The following BCL11B variants were observed in gnomAD, a reference collection of about 807,000 sequenced individuals.
BCL11B encodes BCL11 transcription factor B.
Under a neutral mutation model 49.9 loss-of-function variants are expected in BCL11B, and 8 were observed. That is an observed-to-expected ratio of 0.16 (90% CI 0.09 to 0.29). The LOEUF is 0.29. Among genes scored for constraint, BCL11B ranks in the 10% least tolerant of loss-of-function variants. The probability of loss-of-function intolerance (pLI) is 1.00; values close to 1 mark genes in which losing one functional copy is unlikely to be tolerated. For synonymous variants in BCL11B, 739 were observed against 637.4 expected (o/e 1.16, Z -2.40); for missense variants, 1,006 against 1,351.0 (o/e 0.74, Z 4.00).
At position 99,170,746 on chromosome 14, in the gene BCL11B, A is replaced by C. The variant is rs1219695692; in HGVS notation, c.*3405T>G. ...AAGCAGGGAAGAAAGACAAGAGGCC[A>C]ACACTCTCCATGGCACGAAAGGTCC... On this transcript the variant is annotated 3_prime_UTR_variant, in exon 4 of 4. Transcript: ENST00000357195. 1.7e-5 allele frequency: 4 copies of C among 233,380 alleles called. 1 individual carries two copies. In the East Asian group the frequency reaches 2.4e-4, roughly 14 times the overall value. The allele number at this position is 233,380 out of a possible 1,614,324, so 14.5% of individuals were successfully genotyped here.
chr14:99,181,897 T>C (rs1886715552), intron 3 of BCL11B, among the ~76,000 whole-genome samples: 1 of 152,252 alleles, frequency 6.6e-6, no homozygotes, highest in African/African-American at 2.4e-5. Flanking sequence ...AGAATCCGTC[T>C]GCTAAAGATG....
intron 2 of BCL11B, among the ~76,000 whole-genome samples, chr14:99,240,895 C>A (rs748742401): frequency 6.6e-6 from 1 of 152,190 alleles, no homozygotes; most frequent in Non-Finnish European, 1.5e-5. Flanking sequence ...AGGTTTATAC[C>A]GCTATTTAAT....
Position 99,242,555 on chromosome 14 carries a change from G to A in BCL11B, c.428-10998C>T, listed in dbSNP as rs1888702611. 6.6e-6 allele frequency among the ~76,000 whole-genome samples: 1 copy of A among 152,172 alleles called. No homozygotes were observed. Reference sequence around the variant, plus strand: ...CCAGCCCCAGTGCCAGTGAACAGGGGCTGGGTCAAGGCCCCCATGGGGAAA... The same window carrying A: ...CCAGCCCCAGTGCCAGTGAACAGGGACTGGGTCAAGGCCCCCATGGGGAAA... On this transcript the variant is annotated intron_variant, in intron 2 of 3. Coordinates refer to ENST00000357195, the MANE Select transcript of BCL11B (RefSeq NM_138576.4). This position sits in a 1 kb window ranked among gnomAD's most constrained non-coding sequence, Gnocchi z 4.4.
rs958886247 is a variant in BCL11B, at chr14:99,184,123, A to C, written c.641-7928T>G. Among the ~76,000 whole-genome samples the C allele has an allele frequency of 2.6e-5, 4 of 151,792 alleles. No individual in the cohort carries two copies. The highest frequency in any genetic ancestry group is 9.7e-5 in the African/African-American group (4 of 41,316). ...ACCCCAGCCTTTGGGATCCGGTCCC[A>C]CTTGCTGCCTGCCTTTTGCACACAC... On this transcript the variant is annotated intron_variant, in intron 3 of 3. Transcript: ENST00000357195. This position sits in a 1 kb window ranked among gnomAD's most constrained non-coding sequence, Gnocchi z 6.1.
chr14:99,219,324 G>A (rs1003576483), intron 3 of BCL11B, among the ~76,000 whole-genome samples: 4 of 152,112 alleles, frequency 2.6e-5, no homozygotes, highest in African/African-American at 9.7e-5. Context: ...GTGAGCCACC[G>A]CACCCGACCA....
Position 99,241,412 on chromosome 14 carries a change from G to A in BCL11B, c.428-9855C>T, listed in dbSNP as rs1270909236. Among the ~76,000 whole-genome samples the A allele has an allele frequency of 1.3e-5, 2 of 151,710 alleles. No individual in the cohort carries two copies. Among genetic ancestry groups the A allele is most frequent in the Non-Finnish European group, 2.9e-5 (2 of 67,984 alleles). On this transcript the variant is annotated intron_variant, in intron 2 of 3. Transcript: ENST00000357195. This position sits in a 1 kb window ranked among gnomAD's most constrained non-coding sequence, Gnocchi z 4.4. ...GAATCTAGCTGTAATCTCAGAGGAA[G>A]AAAGCAGCAAGCATCGCTCAGGAGG...
chr14:99,174,896 G>A lies in BCL11B; in HGVS notation c.1940C>T (p.Ala647Val), dbSNP rs944528801. The A allele has an allele frequency of 9.3e-7, 1 of 1,080,420 alleles. No individual in the cohort carries two copies. Among genetic ancestry groups the A allele is most frequent in the Non-Finnish European group, 1.1e-6 (1 of 890,972 alleles). The allele number at this position is 1,080,420 out of a possible 1,614,324, so 66.9% of individuals were successfully genotyped here. A position where few individuals can be genotyped will look rare whatever the true frequency, so the allele number is the denominator to read the frequency against. Residue 647 changes from alanine to valine, a missense_variant, in exon 4 of 4, where the codon GCG (alanine) becomes GTG (valine). Physicochemically the swap from Ala to Val is moderately conservative, Grantham distance 64 (BLOSUM62 0). Around this residue, in one of 6 missense-constraint regions of BCL11B, gnomAD observed 443 missense variants for 499.7 expected, o/e 0.89. Transcript: ENST00000357195. ...CCCGCGCCCGTTGACCGCGCCGCCC[G>A]CGCCCGCGTCCCCGCAGCCGCCCGC... Reference protein sequence around the residue: ...DDAGGCGDAGAGGAVNGRGGG... With the variant: ...DDAGGCGDAGVGGAVNGRGGG...
Position 99,173,504 on chromosome 14 carries a change from A to G in BCL11B, c.*647T>C, listed in dbSNP as rs1026804786. On this transcript the variant is annotated 3_prime_UTR_variant, in exon 4 of 4. Transcript: ENST00000357195. ...TCTGAAACAAAGTGCTACGACTTGA[A>G]AGATTGTTATCCGCTGTACATCCAC... The G allele has an allele frequency of 4.6e-6, 1 of 215,948 alleles. No homozygotes were observed. The highest frequency in any genetic ancestry group is 2.3e-5 in the African/African-American group (1 of 44,242). The allele number at this position is 215,948 out of a possible 1,614,324, so 13.4% of individuals were successfully genotyped here.
At chr14:99,185,516 C>A (rs1886828462) in intron 3 of BCL11B, among the ~76,000 whole-genome samples, 1 of 151,656 alleles carries the variant, frequency 6.6e-6, no homozygotes, top group African/African-American at 2.4e-5. Flanking sequence ...GTGCCCAGGC[C>A]AAGGAGGGAA....
intron 1 of BCL11B, among the ~76,000 whole-genome samples, chr14:99,269,522 C>G (rs930339924): frequency 1.5e-5 from 2 of 132,656 alleles, no homozygotes; most frequent in African/African-American, 2.5e-5. Context: ...TATTCCCCCC[C>G]CCCCAAAAAA....
rs1888073249 is a variant in BCL11B, at chr14:99,223,566, G to A, written c.640+7779C>T. On this transcript the variant is annotated intron_variant, in intron 3 of 3. Transcript: ENST00000357195. ...TGTTTAATACGGCGCTGCTCCATGA[G>A]GATGAGCATATGTATGCCCCATTTC... Among the ~76,000 whole-genome samples, 4 of 152,190 alleles carry A rather than the reference G, an allele frequency of 2.6e-5. No individual in the cohort carries two copies. In the South Asian group the frequency reaches 6.2e-4, roughly 24 times the overall value.
intron 2 of BCL11B, among the ~76,000 whole-genome samples, chr14:99,255,950 A>G (rs1889152008): frequency 1.3e-5 from 2 of 152,340 alleles, no homozygotes; most frequent in South Asian, 2.1e-4. Context: ...AATCTGGTTC[A>G]CTGATGTCTC....
chr14:99,216,953 TCTG>T (rs2139855407), intron 3 of BCL11B, among the ~76,000 whole-genome samples: 1 of 152,182 alleles, frequency 6.6e-6, no homozygotes, highest in South Asian at 2.1e-4. Context: ...TGTACACACA[TCTG>T]CACACACGTG....
rs1314228756 is a variant in BCL11B, at chr14:99,175,516, G to A, written c.1320C>T (p.Ser440=). ...EFCGKTFKFQ[S]NLIVHRRSHT... is the part of the protein sequence containing the mutation. ...GACTGCGCCGGTGCACGATGAGATT[G>A]CTCTGGAACTTGAAGGTCTTGCCGC... Residue 440 remains serine, a synonymous_variant, in exon 4 of 4, where the codon AGC becomes AGT. Transcript: ENST00000357195. 6.2e-7 allele frequency: 1 copy of A among 1,608,206 alleles called. No individual in the cohort carries two copies. Among genetic ancestry groups the A allele is most frequent in the Admixed American group, 1.7e-5 (1 of 59,638 alleles).
Position 99,247,703 on chromosome 14 carries a change from T to C in BCL11B, c.427+9768A>G, listed in dbSNP as rs1194620512. Among the ~76,000 whole-genome samples the C allele has an allele frequency of 6.6e-6, 1 of 152,214 alleles. No individual in the cohort carries two copies. The stretch of plus-strand genomic sequence containing the variant: ...ACTCTTGTGGATTGGACGGATGGCT[T>C]CATCTGTGCCATATCACTAGAGGCA... On this transcript the variant is annotated intron_variant, in intron 2 of 3. Transcript: ENST00000357195. The surrounding 1 kb of genome is among the most constrained non-coding windows in gnomAD (Gnocchi z 4.5).
chr14:99,193,468 A>T (rs1427078320), intron 3 of BCL11B, among the ~76,000 whole-genome samples: 1 of 147,908 alleles, frequency 6.8e-6, no homozygotes, highest in Non-Finnish European at 1.5e-5. Context: ...AAGGAAGTTT[A>T]AAAAAAAAAG....
chr14:99,186,747 A>C (rs901612801), intron 3 of BCL11B, among the ~76,000 whole-genome samples: 1 of 152,174 alleles, frequency 6.6e-6, no homozygotes, highest in Non-Finnish European at 1.5e-5. Context: ...GTCCATGAAA[A>C]ATTTCAAGCC....
intron 3 of BCL11B, among the ~76,000 whole-genome samples, chr14:99,219,797 G>C (rs1346706907): frequency 7.0e-6 from 1 of 143,570 alleles, no homozygotes; most frequent in Non-Finnish European, 1.5e-5. Flanking sequence ...AAAAAATAAA[G>C]ATAAAAAATA....
chr14:99,205,512 G>A lies in BCL11B; in HGVS notation c.640+25833C>T, dbSNP rs186885651. The stretch of plus-strand genomic sequence containing the variant: ...CAGCATGCCAGGAAAGGGGAGGAGC[G>A]ACGTGAGGACCTCCTGTGTCACCCT... On this transcript the variant is annotated intron_variant, in intron 3 of 3. Coordinates refer to ENST00000357195, the MANE Select transcript of BCL11B (RefSeq NM_138576.4). The surrounding 1 kb of genome is among the most constrained non-coding windows in gnomAD (Gnocchi z 5.0). Among the ~76,000 whole-genome samples the A allele has an allele frequency of 3.7e-4, 56 of 152,306 alleles. No individual in the cohort carries two copies. Among genetic ancestry groups the A allele is most frequent in the African/African-American group, 1.3e-3 (52 of 41,566 alleles).
Sources: allele counts gnomAD v4.1 joint callset (sites outside exome capture counted in the v4.1 genomes callset), GRCh38; gene constraint gnomAD v4.1.1; regional missense constraint gnomAD v4.1.1; non-coding constraint Gnocchi (gnomAD v3.1); transcripts MANE v1.5; gene names NCBI Gene and HGNC (gene_info 2026-07-23, HGNC 2026-07-21).